Variants in TUBG1 observed in about 807,000 individuals in gnomAD.
TUBG1 encodes the protein tubulin gamma-1 chain.
TUBG1 carries 22 observed loss-of-function variants against 53.3 expected under a neutral mutation model. That is an observed-to-expected ratio of 0.41 (90% CI 0.29 to 0.59). The LOEUF is 0.59. Among genes scored for constraint, TUBG1 ranks in the 20% least tolerant of loss-of-function variants. TUBG1 has a pLI of 0.26. For synonymous variants in TUBG1, 198 were observed against 236.7 expected (o/e 0.84, Z 1.50); for missense variants, 217 against 598.9 (o/e 0.36, Z 6.66).
rs755563736 is a variant in TUBG1 at position 42,614,239 on chromosome 17, C to T, written c.844-21C>T. The T allele has an allele frequency of 1.1e-5, 17 of 1,613,778 alleles. No individual in the cohort carries two copies. Among genetic ancestry groups the T allele is most frequent in the Admixed American group, 5.0e-5 (3 of 59,996 alleles). The stretch of plus-strand genomic sequence containing the variant: ...CTGTGCCCTGAGCGCTGGCCGGGTC[C>T]CTGTCTCACTGTCCTATCAGGTGGC... On this transcript the variant is annotated intron_variant, in intron 8 of 10. Transcript: ENST00000251413. The surrounding 1 kb of genome is among the most constrained non-coding windows in gnomAD (Gnocchi z 5.1).
Position 42,609,689 on chromosome 17 carries a change from C to A in TUBG1, c.-49C>A, listed in dbSNP as rs369845244. ...GTCTTGCGGCGAGCGGGCTGGCGTG[C>A]GGCGCCGTTGCGGGCGGGAGCGGCT... On this transcript the variant is annotated 5_prime_UTR_variant, in exon 1 of 11. Transcript: ENST00000251413. 2,844 of 1,529,962 alleles carry A rather than the reference C, an allele frequency of 1.9e-3. 1 individual carries two copies. Among genetic ancestry groups the A allele is most frequent in the Non-Finnish European group, 2.4e-3 (2,744 of 1,137,552 alleles). 94.8% of individuals were successfully genotyped at this position (1,529,962 alleles called of 1,614,324 possible). A position where few individuals can be genotyped will look rare whatever the true frequency, so the allele number is the denominator to read the frequency against.
Position 42,614,469 on chromosome 17 carries a change from C to T in TUBG1, c.997-27C>T. 2 of 1,614,116 alleles carry T rather than the reference C, an allele frequency of 1.2e-6. No homozygotes were observed. Among genetic ancestry groups the T allele is most frequent in the African/African-American group, 1.3e-5 (1 of 75,030 alleles). ...ACCTGCAGGGGTAGAGGAGAGGCCA[C>T]CTCCACTGCTCCTATGCCCACCCCA... On this transcript the variant is annotated intron_variant, in intron 9 of 10. Coordinates refer to ENST00000251413, the MANE Select transcript of TUBG1 (RefSeq NM_001070.5). The surrounding 1 kb of genome is among the most constrained non-coding windows in gnomAD (Gnocchi z 5.1).
intron 5 of TUBG1, 143 bp downstream of exon 5, chr17:42,612,649 A>C: frequency 1.2e-6 from 1 of 840,824 alleles, no homozygotes; most frequent in Non-Finnish European, 1.9e-6. Flanking sequence ...TGAAGTTACA[A>C]TGACTGAGAA....
At chr17:42,609,984 C>A in intron 1 of TUBG1, 124 bp from the exon 2 acceptor site, 1 of 1,352,074 alleles carries the variant, frequency 7.4e-7, no homozygotes. Flanking sequence ...TTTCCTCAGA[C>A]ACGGGAGAGT....
At chr17:42,612,537 C>T (rs1415118554) in intron 5 of TUBG1, 31 bp downstream of exon 5, 2 of 1,609,072 alleles carry the variant, frequency 1.2e-6, no homozygotes, top group Admixed American at 1.7e-5. Flanking sequence ...TAGGAAAGGT[C>T]TCCAACTTGG....
intron 5 of TUBG1, 83 bp from the exon 6 acceptor site, chr17:42,612,864 C>T: frequency 6.4e-7 from 1 of 1,561,212 alleles, no homozygotes; most frequent in Non-Finnish European, 8.7e-7. Context: ...CAAGATTTAT[C>T]TGCTTCTGGA....
chr17:42,612,188 T>C, intron 4 of TUBG1, 45 bp downstream of exon 4: 1 of 1,600,316 alleles, frequency 6.2e-7, no homozygotes, highest in African/African-American at 1.3e-5. Context: ...TGGGCAAGGC[T>C]TGGCAGCACC....
Position 42,609,722 on chromosome 17 carries a change from C to G in TUBG1, c.-16C>G, listed in dbSNP as rs998269947. 9 of 1,547,334 alleles carry G rather than the reference C, an allele frequency of 5.8e-6. No homozygotes were observed. Among genetic ancestry groups the G allele is most frequent in the Non-Finnish European group, 7.9e-6 (9 of 1,145,178 alleles). ...TTGCGGGCGGGAGCGGCTGCAACGCCGGTGCCTGAGGAGCGATGCCGAGGG... is the reference window on the plus strand; with the variant it reads ...TTGCGGGCGGGAGCGGCTGCAACGCGGGTGCCTGAGGAGCGATGCCGAGGG... On this transcript the variant is annotated 5_prime_UTR_variant, in exon 1 of 11. Transcript: ENST00000251413.
intron 4 of TUBG1, 74 bp downstream of exon 4, chr17:42,612,217 A>G: frequency 6.6e-7 from 1 of 1,512,312 alleles, no homozygotes; most frequent in South Asian, 1.1e-5. Context: ...GCGACCTGTT[A>G]GGAACAAGAC....
In TUBG1 at chr17:42,614,921, C is replaced by T. The variant is rs1359021208; in HGVS notation, c.1236C>T (p.Asp412=). 1.2e-5 allele frequency: 20 copies of T among 1,614,224 alleles called. No homozygotes were observed. The highest frequency in any genetic ancestry group is 1.7e-5 in the Non-Finnish European group (20 of 1,180,042). ...TCCTGGAGCAGTTCCGCAAGGAGGA[C>T]ATGTTCAAGGACAACTTTGATGAGA... ...EAFLEQFRKE[D]MFKDNFDEMD... Residue 412 remains aspartate, a synonymous_variant, in exon 11 of 11, where the codon GAC becomes GAT. Coordinates refer to ENST00000251413, the MANE Select transcript of TUBG1 (RefSeq NM_001070.5). This position sits in a 1 kb window ranked among gnomAD's most constrained non-coding sequence, Gnocchi z 5.1.
At chr17:42,613,529 T>C in intron 6 of TUBG1, 118 bp from the exon 7 acceptor site, 4 of 1,502,824 alleles carry the variant, frequency 2.7e-6, no homozygotes, top group South Asian at 1.2e-5. Context: ...CAAATCTCTT[T>C]CCAGTGAGTC....
In TUBG1 at chr17:42,613,043, CAA is replaced by C; in HGVS notation, c.577_578del (p.Lys193GlufsTer59). Reference protein sequence around the residue: ...VQPYNSLLTLKRLTQNADCVV... With the variant: ...VQPYNSLLTLXRLTQNADCVV... The stretch of plus-strand genomic sequence containing the variant: ...AGCCTTACAATTCACTCCTCACACT[CAA>C]GAGGCTGACGCAGAATGCAGACTGT... On this transcript the variant is annotated frameshift_variant, in exon 6 of 11. Coordinates refer to ENST00000251413, the MANE Select transcript of TUBG1 (RefSeq NM_001070.5). LOFTEE classifies it high-confidence loss of function. The C allele has an allele frequency of 6.2e-7, 1 of 1,614,130 alleles. No homozygotes were observed. Among genetic ancestry groups the C allele is most frequent in the Non-Finnish European group, 8.5e-7 (1 of 1,180,010 alleles).
intron 3 of TUBG1, among the ~76,000 whole-genome samples, chr17:42,611,710 G>T (rs1013514941): frequency 6.6e-6 from 1 of 152,198 alleles, no homozygotes; most frequent in Non-Finnish European, 1.5e-5. Context: ...ACAAAAAATA[G>T]CTGGGCATGG....
At chr17:42,610,746 A>G (rs2143449091) in intron 3 of TUBG1, 156 bp downstream of exon 3, 3 of 1,054,860 alleles carry the variant, frequency 2.8e-6, no homozygotes, top group Non-Finnish European at 4.1e-6. Flanking sequence ...TCAAGCGCCT[A>G]CACTAGCTAA....
At position 42,609,685 on chromosome 17, in the gene TUBG1, C is replaced by T. The variant is rs569425119; in HGVS notation, c.-53C>T. On this transcript the variant is annotated 5_prime_UTR_variant, in exon 1 of 11. Coordinates refer to ENST00000251413, the MANE Select transcript of TUBG1 (RefSeq NM_001070.5). ...CTGCGTCTTGCGGCGAGCGGGCTGG[C>T]GTGCGGCGCCGTTGCGGGCGGGAGC... 3.3e-6 allele frequency: 5 copies of T among 1,527,074 alleles called. No homozygotes were observed. Among genetic ancestry groups the T allele is most frequent in the Middle Eastern group, 1.9e-4 (1 of 5,208 alleles). 94.6% of individuals were successfully genotyped at this position (1,527,074 alleles called of 1,614,324 possible). A position where few individuals can be genotyped will look rare whatever the true frequency, so the allele number is the denominator to read the frequency against.
chr17:42,612,181 G>A (rs963858553), intron 4 of TUBG1, 38 bp downstream of exon 4: 6 of 1,604,746 alleles, frequency 3.7e-6, no homozygotes, highest in Non-Finnish European at 5.1e-6. Context: ...GCCGACATGG[G>A]CAAGGCTTGG....
rs1426327073 is a variant in TUBG1, at chr17:42,614,420, A to T, written c.996+8A>T. 3 of 1,614,046 alleles carry T rather than the reference A, an allele frequency of 1.9e-6. No individual in the cohort carries two copies. In the South Asian group the frequency reaches 3.3e-5, roughly 18 times the overall value. ...GAGGTGGACCCCACCCAGGTAGGGG[A>T]GGCCCCTTCATCCCACACCCTGGAC... On this transcript the variant is annotated splice_region_variant and intron_variant, in intron 9 of 10. Coordinates refer to ENST00000251413, the MANE Select transcript of TUBG1 (RefSeq NM_001070.5). This position sits in a 1 kb window ranked among gnomAD's most constrained non-coding sequence, Gnocchi z 5.1.
chr17:42,609,862 C>T, intron 1 of TUBG1, 76 bp downstream of exon 1: 1 of 1,504,864 alleles, frequency 6.6e-7, no homozygotes, highest in Non-Finnish European at 8.9e-7. Flanking sequence ...TCCTGGACTC[C>T]ATCTGTCCTT....
chr17:42,615,154 A>G lies in TUBG1; in HGVS notation c.*113A>G, dbSNP rs1041028361. Reference sequence around the variant, plus strand: ...CCTCACGCATCTCTTTCTCATATACATGGACTCTCTGTTGGCCTGCAAACA... The same window carrying G: ...CCTCACGCATCTCTTTCTCATATACGTGGACTCTCTGTTGGCCTGCAAACA... On this transcript the variant is annotated 3_prime_UTR_variant, in exon 11 of 11. Coordinates refer to ENST00000251413, the MANE Select transcript of TUBG1 (RefSeq NM_001070.5). 10 of 970,738 alleles carry G rather than the reference A, an allele frequency of 1.0e-5. No individual in the cohort carries two copies. Among genetic ancestry groups the G allele is most frequent in the East Asian group, 7.6e-5 (3 of 39,510 alleles). 60.1% of individuals were successfully genotyped at this position (970,738 alleles called of 1,614,324 possible).
Sources: gnomAD v4.1 joint callset for allele counts (sites outside exome capture counted in the v4.1 genomes callset) on GRCh38, gnomAD v4.1.1 for gene constraint, Gnocchi (gnomAD v3.1) non-coding constraint, MANE v1.5 for transcripts, NCBI Gene and HGNC (gene_info 2026-07-23, HGNC 2026-07-21) for gene names.